The following HPSE2 variants were observed in gnomAD, a reference collection of about 807,000 sequenced individuals.
HPSE2 encodes the protein heparanase 2 (inactive).
Under a neutral mutation model 60.5 loss-of-function variants are expected in HPSE2, and 38 were observed. The observed-to-expected ratio is 0.63, with a 90% CI of 0.48 to 0.82. The LOEUF (loss-of-function observed/expected upper bound fraction) is 0.82, where lower values mean the gene tolerates loss of function less well. Among genes scored for constraint, HPSE2 ranks in the 40% least tolerant of loss-of-function variants. The probability of loss-of-function intolerance (pLI) is 0.00; values close to 1 mark genes in which losing one functional copy is unlikely to be tolerated. For missense variants in HPSE2, 713 were observed against 740.4 expected, an observed-to-expected ratio of 0.96 and a Z score of 0.43; for synonymous variants, 295 against 293.2, an observed-to-expected ratio of 1.01 and a Z score of -0.06.
chr10:99,050,122 G>C (rs1380524628), intron 3 of HPSE2, among the ~76,000 whole-genome samples: 8 of 152,128 alleles, frequency 5.3e-5, no homozygotes, highest in Non-Finnish European at 1.2e-4. Flanking sequence ...AACATAGTGA[G>C]ACCTCATCTC....
At chr10:98,496,132 G>A (rs1941830659) in intron 9 of HPSE2, among the ~76,000 whole-genome samples, 1 of 151,998 alleles carries the variant, frequency 6.6e-6, no homozygotes, top group Non-Finnish European at 1.5e-5. Flanking sequence ...ATCAGCCTGA[G>A]GTACAAACTT....
At chr10:99,103,580 T>C (rs1844107244) in intron 3 of HPSE2, among the ~76,000 whole-genome samples, 1 of 152,176 alleles carries the variant, frequency 6.6e-6, no homozygotes, top group South Asian at 2.1e-4. Flanking sequence ...ATAGATTCAA[T>C]GCCATCCCCA....
chr10:99,224,801 T>C (rs1849420764), intron 2 of HPSE2, among the ~76,000 whole-genome samples: 1 of 152,128 alleles, frequency 6.6e-6, no homozygotes, highest in South Asian at 2.1e-4. Context: ...GAATTACCTT[T>C]TTCCCCAAGG....
intron 3 of HPSE2, among the ~76,000 whole-genome samples, chr10:98,841,770 A>C (rs1258765203): frequency 6.6e-6 from 1 of 152,098 alleles, no homozygotes; most frequent in Non-Finnish European, 1.5e-5. Context: ...GTGGAATGTA[A>C]ATTTCATGAC....
intron 3 of HPSE2, among the ~76,000 whole-genome samples, chr10:98,850,019 C>T (rs920203438): frequency 7.2e-5 from 11 of 152,202 alleles, no homozygotes; most frequent in African/African-American, 2.7e-4. Context: ...GCTGGGATTA[C>T]AGCTGTGAGG....
chr10:98,947,156 A>G (rs1398183065), intron 3 of HPSE2, among the ~76,000 whole-genome samples: 1 of 152,096 alleles, frequency 6.6e-6, no homozygotes, highest in Non-Finnish European at 1.5e-5. Context: ...AACCAAGAAT[A>G]AGGACCATGG....
At chr10:98,764,743 G>C (rs528552769) in intron 3 of HPSE2, among the ~76,000 whole-genome samples, 2 of 152,080 alleles carry the variant, frequency 1.3e-5, no homozygotes, top group Non-Finnish European at 2.9e-5. Context: ...TGTAATCCTG[G>C]CTCCTCTGGA....
intron 6 of HPSE2, among the ~76,000 whole-genome samples, chr10:98,672,855 A>C (rs1947541692): frequency 6.6e-6 from 1 of 152,212 alleles, no homozygotes; most frequent in African/African-American, 2.4e-5. Flanking sequence ...TTTTCCAGAA[A>C]AAAAAAGATA....
intron 3 of HPSE2, among the ~76,000 whole-genome samples, chr10:98,948,791 T>C (rs1589414274): frequency 6.6e-6 from 1 of 152,100 alleles, no homozygotes; most frequent in Admixed American, 6.6e-5. Context: ...CTCAGCCTTC[T>C]CAACATGAAG....
intron 2 of HPSE2, among the ~76,000 whole-genome samples, chr10:99,152,334 G>A (rs959841835): frequency 6.7e-6 from 1 of 148,960 alleles, no homozygotes; most frequent in Admixed American, 6.7e-5. Flanking sequence ...AAAAAAGACT[G>A]AGAGAATTTG....
intron 6 of HPSE2, among the ~76,000 whole-genome samples, chr10:98,691,753 C>T (rs1427594588): frequency 1.3e-5 from 2 of 152,182 alleles, no homozygotes; most frequent in African/African-American, 4.8e-5. Context: ...CAACATTTTC[C>T]ACTTTCTGTG....
At chr10:99,116,329 AT>A (rs1187033907) in intron 3 of HPSE2, among the ~76,000 whole-genome samples, 1 of 152,144 alleles carries the variant, frequency 6.6e-6, no homozygotes, top group Admixed American at 6.5e-5. Flanking sequence ...GCCCATTATG[AT>A]TCCTTCATCT....
chr10:99,141,886 T>G (rs1241501593), intron 3 of HPSE2, among the ~76,000 whole-genome samples: 1 of 152,238 alleles, frequency 6.6e-6, no homozygotes, highest in African/African-American at 2.4e-5. Flanking sequence ...GTTACTATAC[T>G]GATATCTTAG....
At chr10:98,806,816 G>A (rs748906697) in intron 3 of HPSE2, among the ~76,000 whole-genome samples, 62 of 151,978 alleles carry the variant, frequency 4.1e-4, no homozygotes, top group Non-Finnish European at 8.1e-4. Flanking sequence ...TTTTAATTAC[G>A]AAAAATCTCA....
At chr10:98,943,951 T>C (rs1390556083) in intron 3 of HPSE2, among the ~76,000 whole-genome samples, 1 of 152,184 alleles carries the variant, frequency 6.6e-6, no homozygotes, top group Admixed American at 6.5e-5. Context: ...ATGTTTGTAG[T>C]TTAAGCCACT....
At chr10:98,948,661 T>C (rs982154916) in intron 3 of HPSE2, among the ~76,000 whole-genome samples, 5 of 152,026 alleles carry the variant, frequency 3.3e-5, no homozygotes, top group African/African-American at 9.7e-5. Context: ...ATTATGATGG[T>C]ATTTCTATAA....
intron 9 of HPSE2, among the ~76,000 whole-genome samples, chr10:98,521,487 G>A (rs1437173070): frequency 6.6e-6 from 1 of 152,160 alleles, no homozygotes; most frequent in East Asian, 1.9e-4. Flanking sequence ...GGAAACAACA[G>A]GTGCTGGAGA....
At chr10:98,852,162 T>C (rs1243154758) in intron 3 of HPSE2, among the ~76,000 whole-genome samples, 3 of 126,048 alleles carry the variant, frequency 2.4e-5, no homozygotes, top group African/African-American at 3.7e-5. Flanking sequence ...TGTGTGTGTG[T>C]GTGTATATAT....
chr10:98,473,484 CAA>C (rs752065277), intron 11 of HPSE2, among the ~76,000 whole-genome samples: 2 of 44,294 alleles, frequency 4.5e-5, no homozygotes, highest in African/African-American at 1.1e-4. Flanking sequence ...GACTCTGTCT[CAA>C]AAAAAAAAAA....
Sources: allele counts gnomAD v4.1 joint callset (sites outside exome capture counted in the v4.1 genomes callset), GRCh38; gene constraint gnomAD v4.1.1; transcripts MANE v1.5; gene names NCBI Gene and HGNC (gene_info 2026-07-23, HGNC 2026-07-21).